The following MTUS1 variants were observed in gnomAD, a reference collection of about 807,000 sequenced individuals.
MTUS1 encodes microtubule associated scaffold protein 1.
A neutral mutation model predicts 120.8 loss-of-function variants in MTUS1; 109 were observed. The ratio of observed to expected loss-of-function variants is 0.90; its 90% CI spans 0.77 to 1.06. MTUS1 has a LOEUF of 1.06. MTUS1 is among the 50% of genes least tolerant of loss of function. The probability of loss-of-function intolerance (pLI) is 0.00; values close to 1 mark genes in which losing one functional copy is unlikely to be tolerated. For missense variants in MTUS1, 2,210 were observed against 1,486.3 expected (o/e 1.49, Z -8.01); for synonymous variants, 737 against 550.5 (o/e 1.34, Z -4.74).
At chr8:17,794,937 G>A (rs80230268) in intron 1 of MTUS1, among the ~76,000 whole-genome samples, 6,833 of 152,118 alleles carry the variant, frequency 0.045, 525 homozygotes, top group African/African-American at 0.16. Context: ...TTTCAACTTC[G>A]TATCATTCAT....
At chr8:17,690,010 A>C (rs1816637792) in intron 6 of MTUS1, among the ~76,000 whole-genome samples, 1 of 152,236 alleles carries the variant, frequency 6.6e-6, no homozygotes, top group South Asian at 2.1e-4. Context: ...ATGCAGCAAA[A>C]ACAAAAATAG....
In MTUS1 at chr8:17,645,849, C is replaced by T. The variant is rs140290228; in HGVS notation, c.*77G>A. 153 of 1,517,472 alleles carry T rather than the reference C, an allele frequency of 1.0e-4. 1 individual carries two copies. The African/African-American group carries it at 2.0e-3, about 19-fold the overall frequency. 94.0% of individuals were successfully genotyped at this position (1,517,472 alleles called of 1,614,324 possible). On this transcript the variant is annotated 3_prime_UTR_variant, in exon 15 of 15. Transcript: ENST00000693296. The stretch of plus-strand genomic sequence containing the variant: ...ACGTGTGCTGATATACCTCTTGTGC[C>T]CACGTTCCTCCTTGGGGTCAGTCCT...
chr8:17,654,557 T>C lies in MTUS1; in HGVS notation c.3214+4A>G. 1 of 1,588,486 alleles carries C rather than the reference T, an allele frequency of 6.3e-7. No homozygotes were observed. The highest frequency in any genetic ancestry group is 8.6e-7 in the Non-Finnish European group (1 of 1,156,904). Reference sequence around the variant, plus strand: ...TGTTTAAAGAGGAAAAAAAGCATCCTTGCCTGAAAGGGAGGCTTCATAGGC... The same window carrying C: ...TGTTTAAAGAGGAAAAAAAGCATCCCTGCCTGAAAGGGAGGCTTCATAGGC... On this transcript the variant is annotated splice_donor_region_variant and intron_variant, in intron 10 of 14. Coordinates refer to ENST00000693296, the MANE Select transcript of MTUS1 (RefSeq NM_001363059.2).
chr8:17,717,337 AT>A (rs1192831471), intron 4 of MTUS1, among the ~76,000 whole-genome samples: 1 of 152,206 alleles, frequency 6.6e-6, no homozygotes, highest in African/African-American at 2.4e-5. Context: ...GAGTGACAGT[AT>A]TAAAGACACC....
chr8:17,651,035 G>A (rs1285364926), intron 12 of MTUS1, among the ~76,000 whole-genome samples: 2 of 152,218 alleles, frequency 1.3e-5, no homozygotes, highest in Non-Finnish European at 2.9e-5. Flanking sequence ...ACTTCACACA[G>A]AAAGAGGAAA....
chr8:17,756,671 A>ACCCCACCC lies in MTUS1; in HGVS notation c.-154-711_-154-710insGGGTGGGG, dbSNP rs1554526125. ...TCTCCAATTCATATGTCAAGCCCAA[A>ACCCCACCC]CCCCCACCCCTTATGTAACTATGTT... On this transcript the variant is annotated intron_variant, in intron 1 of 14. Transcript: ENST00000693296. Among the ~76,000 whole-genome samples, 6 of 117,484 alleles carry ACCCCACCC rather than the reference A, an allele frequency of 5.1e-5. 1 individual carries two copies. Among genetic ancestry groups the ACCCCACCC allele is most frequent in the Non-Finnish European group, 8.5e-5 (5 of 58,718 alleles). 77.1% of individuals were successfully genotyped at this position (117,484 alleles called of 152,430 possible).
At chr8:17,673,720 G>A (rs771478897) in intron 8 of MTUS1, among the ~76,000 whole-genome samples, 17 of 152,112 alleles carry the variant, frequency 1.1e-4, no homozygotes, top group Non-Finnish European at 7.4e-5. Context: ...CTCCCAAAGC[G>A]CTGGGATTAC....
intron 3 of MTUS1, among the ~76,000 whole-genome samples, chr8:17,738,570 T>C (rs2047089263): frequency 6.6e-6 from 1 of 152,228 alleles, no homozygotes; most frequent in African/African-American, 2.4e-5. Flanking sequence ...CTGTATTTTT[T>C]ATTGTTTTAA....
chr8:17,760,626 G>T (rs962271203), intron 1 of MTUS1, among the ~76,000 whole-genome samples: 1 of 152,082 alleles, frequency 6.6e-6, no homozygotes, highest in African/African-American at 2.4e-5. Context: ...TGGGTCCTAA[G>T]CTTGCACCAC....
rs767084251 is a variant in MTUS1, at chr8:17,723,696, C to T, written c.2425G>A (p.Glu809Lys). ...STPSIASTHS[E>K]LSTYSNNSGN... ...CAATTGTTGCTGTAAGTGCTCAGCT[C>T]ACTGTGGGTGCTGGCTATTGAGGGG... The change falls in exon 4 of 15, where the codon GAG becomes AAG. Residue 809 changes from glutamate to lysine, a missense_variant. Physicochemically the swap from Glu to Lys is moderately conservative, Grantham distance 56 (BLOSUM62 1). Transcript: ENST00000693296. 18 of 1,610,748 alleles carry T rather than the reference C, an allele frequency of 1.1e-5. No individual in the cohort carries two copies. Among genetic ancestry groups the T allele is most frequent in the Non-Finnish European group, 1.4e-5 (17 of 1,177,818 alleles).
rs150904744 is a variant in MTUS1 at position 17,700,104 on chromosome 8, G to C, written c.2623+13110C>G. On this transcript the variant is annotated intron_variant, in intron 6 of 14. Transcript: ENST00000693296. ...AAGATAGGCATCACCAAGGACAGTA[G>C]AGGAAAAAATAAGGAAATTTTAGTG... Among the ~76,000 whole-genome samples the C allele has an allele frequency of 3.4e-3, 521 of 152,232 alleles. 4 individuals are homozygous for C. Among genetic ancestry groups the C allele is most frequent in the Middle Eastern group, 6.8e-3 (2 of 294 alleles).
At chr8:17,744,321 G>C (rs983614766) in intron 2 of MTUS1, among the ~76,000 whole-genome samples, 2 of 152,142 alleles carry the variant, frequency 1.3e-5, no homozygotes, top group Non-Finnish European at 2.9e-5. Flanking sequence ...AGGCGGCCAC[G>C]TATGAGATTT....
intron 8 of MTUS1, among the ~76,000 whole-genome samples, chr8:17,670,981 C>T (rs966864987): frequency 6.6e-6 from 1 of 152,042 alleles, no homozygotes; most frequent in Non-Finnish European, 1.5e-5. Context: ...GTGTTTGCTT[C>T]TAGGGGGAGG....
intron 3 of MTUS1, among the ~76,000 whole-genome samples, chr8:17,727,367 G>C (rs913034755): frequency 6.6e-6 from 1 of 152,168 alleles, no homozygotes; most frequent in Non-Finnish European, 1.5e-5. Context: ...CACCTGCCCA[G>C]TGTTCCCTCG....
At chr8:17,745,164 G>A (rs563985338) in intron 2 of MTUS1, among the ~76,000 whole-genome samples, 1 of 152,200 alleles carries the variant, frequency 6.6e-6, no homozygotes, top group Non-Finnish European at 1.5e-5. Flanking sequence ...ACTTCCTTGT[G>A]GTATTAGCTA....
intron 4 of MTUS1, chr8:17,722,476 CAAA>C: frequency 1.0e-6 from 1 of 985,380 alleles, no homozygotes. Context: ...GCCACACCTT[CAAA>C]ATTCCAACAG....
chr8:17,756,694 G>A lies in MTUS1; in HGVS notation c.-154-733C>T, dbSNP rs559578966. Among the ~76,000 whole-genome samples the A allele has an allele frequency of 1.5e-3, 148 of 97,082 alleles. 1 individual carries two copies. Among genetic ancestry groups the A allele is most frequent in the African/African-American group, 5.0e-3 (133 of 26,376 alleles). The allele number at this position is 97,082 out of a possible 152,430, so 63.7% of individuals were successfully genotyped here. ...AAACCCCCACCCCTTATGTAACTAT[G>A]TTGGAGACAGAGCCTTTAAGGAGGT... On this transcript the variant is annotated intron_variant, in intron 1 of 14. Transcript: ENST00000693296.
rs1010020467 is a variant in MTUS1 at position 17,680,074 on chromosome 8, C to G, written c.2838+4254G>C. 5.3e-5 allele frequency among the ~76,000 whole-genome samples: 8 copies of G among 152,050 alleles called. 1 individual carries two copies. Among genetic ancestry groups the G allele is most frequent in the Admixed American group, 3.9e-4 (6 of 15,268 alleles). ...GCAAAAACAAGCATTAAACCGGTATCTCTAATATAACACAGACAATGAAAG... is the reference window on the plus strand; with the variant it reads ...GCAAAAACAAGCATTAAACCGGTATGTCTAATATAACACAGACAATGAAAG... On this transcript the variant is annotated intron_variant, in intron 7 of 14. Coordinates refer to ENST00000693296, the MANE Select transcript of MTUS1 (RefSeq NM_001363059.2).
At chr8:17,761,525 A>G (rs2049036715) in intron 1 of MTUS1, among the ~76,000 whole-genome samples, 1 of 152,166 alleles carries the variant, frequency 6.6e-6, no homozygotes, top group Admixed American at 6.5e-5. Flanking sequence ...GCCTTATTTC[A>G]CCAACTGAAC....
Sources: gnomAD v4.1 joint callset for allele counts (sites outside exome capture counted in the v4.1 genomes callset) on GRCh38, gnomAD v4.1.1 for gene constraint, MANE v1.5 for transcripts, NCBI Gene and HGNC (gene_info 2026-07-23, HGNC 2026-07-21) for gene names.